Variants in KALRN observed in about 807,000 individuals in gnomAD.
KALRN encodes the protein kalirin RhoGEF kinase.
A neutral mutation model predicts 353.7 loss-of-function variants in KALRN; 70 were observed. The ratio of observed to expected loss-of-function variants is 0.20; its 90% CI spans 0.16 to 0.24. The LOEUF is 0.24. Ranked by LOEUF, KALRN falls within the 10% of genes least tolerant of loss-of-function variation. The probability of loss-of-function intolerance (pLI) is 1.00; values close to 1 mark genes in which losing one functional copy is unlikely to be tolerated. For synonymous variants in KALRN, 1,391 were observed against 1,434.8 expected, an observed-to-expected ratio of 0.97 and a Z score of 0.69; for missense variants, 2,791 against 3,756.7, an observed-to-expected ratio of 0.74 and a Z score of 6.72.
chr3:124,474,037 C>T (rs7642455), intron 25 of KALRN, among the ~76,000 whole-genome samples: 19,044 of 152,070 alleles, frequency 0.13, 1,934 homozygotes, highest in East Asian at 0.5. Context: ...TATTTATTAA[C>T]GTGGAAAGGA....
chr3:124,407,317 TA>T (rs1211775695), intron 13 of KALRN, among the ~76,000 whole-genome samples: 6 of 150,450 alleles, frequency 4.0e-5, no homozygotes, highest in Admixed American at 6.6e-5. Context: ...TGTTTTCTTT[TA>T]TATATATATA....
intron 57 of KALRN, among the ~76,000 whole-genome samples, chr3:124,706,082 T>C (rs760291282): frequency 6.6e-6 from 1 of 152,120 alleles, no homozygotes; most frequent in Non-Finnish European, 1.5e-5. Flanking sequence ...AACTTTTTAA[T>C]TTTTCATAGA....
chr3:124,668,120 C>T (rs1049791647), intron 47 of KALRN, among the ~76,000 whole-genome samples: 1 of 150,116 alleles, frequency 6.7e-6, no homozygotes, highest in Non-Finnish European at 1.5e-5. Context: ...ACCACCTCTT[C>T]CTGCCTGTCC....
In KALRN at chr3:124,671,676, T is replaced by C; in HGVS notation, c.6720T>C (p.Ile2240=). ...ATCCCACAGCACTGCAATCGCCCAT[T>C]GAGTATCAACGGAAAGAAAGGAGCA... ...RDFLNALQSP[I]EYQRKERSTA... is the part of the protein sequence containing the mutation. Residue 2240 remains isoleucine, a synonymous_variant, in exon 48 of 60, where the codon ATT becomes ATC. Transcript: ENST00000682506. The C allele has an allele frequency of 6.2e-7, 1 of 1,613,484 alleles. No homozygotes were observed. The highest frequency in any genetic ancestry group is 8.5e-7 in the Non-Finnish European group (1 of 1,179,492).
chr3:124,319,805 C>A (rs895533160), intron 6 of KALRN, among the ~76,000 whole-genome samples: 2 of 151,886 alleles, frequency 1.3e-5, no homozygotes, highest in South Asian at 4.2e-4. Flanking sequence ...CCAGCCTGGC[C>A]AACATGGCAA....
chr3:124,275,171 G>T (rs942935689), intron 5 of KALRN, among the ~76,000 whole-genome samples: 1 of 152,158 alleles, frequency 6.6e-6, no homozygotes, highest in African/African-American at 2.4e-5. Context: ...GGTGGCCACG[G>T]TCATGGTGGT....
intron 34 of KALRN, among the ~76,000 whole-genome samples, chr3:124,589,768 C>A (rs752075778): frequency 6.6e-6 from 1 of 152,182 alleles, no homozygotes; most frequent in East Asian, 1.9e-4. Flanking sequence ...GTTCCAGGAA[C>A]CCCTGCGGGT....
chr3:124,356,632 C>T (rs1390979061), intron 10 of KALRN, among the ~76,000 whole-genome samples: 2 of 152,180 alleles, frequency 1.3e-5, no homozygotes, highest in African/African-American at 4.8e-5. Flanking sequence ...CCGCACCTGG[C>T]CACTTAACAG....
At chr3:124,245,131 C>T (rs2080969265) in intron 3 of KALRN, among the ~76,000 whole-genome samples, 1 of 152,206 alleles carries the variant, frequency 6.6e-6, no homozygotes, top group African/African-American at 2.4e-5. Flanking sequence ...TAATCACCCT[C>T]TTTGTTCCTT....
chr3:124,144,443 C>T (rs2067025685), intron 1 of KALRN, among the ~76,000 whole-genome samples: 1 of 152,132 alleles, frequency 6.6e-6, no homozygotes, highest in Admixed American at 6.5e-5. Context: ...TAGCATCTCC[C>T]CTTCCAGGTA....
intron 53 of KALRN, 86 bp from the exon 54 acceptor site, chr3:124,696,048 C>A: frequency 6.9e-7 from 1 of 1,449,654 alleles, no homozygotes; most frequent in Non-Finnish European, 9.6e-7. Flanking sequence ...CAGCTCAGCA[C>A]ACCATGGGCC....
chr3:124,079,654 T>C (rs1293844943), intron 1 of KALRN, among the ~76,000 whole-genome samples: 2 of 152,216 alleles, frequency 1.3e-5, no homozygotes, highest in Admixed American at 6.5e-5. Context: ...TATTAAAGAT[T>C]ACATAGTTTT....
chr3:124,581,457 T>C (rs887561837), intron 34 of KALRN, among the ~76,000 whole-genome samples: 2 of 152,018 alleles, frequency 1.3e-5, no homozygotes, highest in Non-Finnish European at 2.9e-5. Flanking sequence ...GTGGACTACT[T>C]TAGGGTCTAC....
intron 3 of KALRN, among the ~76,000 whole-genome samples, chr3:124,253,819 C>G (rs1444595430): frequency 3.3e-5 from 5 of 152,186 alleles, no homozygotes; most frequent in African/African-American, 9.7e-5. Context: ...CACACCCAGG[C>G]CAAAGGAACC....
At chr3:124,383,101 G>T (rs2087658884) in intron 10 of KALRN, among the ~76,000 whole-genome samples, 1 of 152,118 alleles carries the variant, frequency 6.6e-6, no homozygotes, top group Non-Finnish European at 1.5e-5. Context: ...TTTTCAACCC[G>T]GTCTCACCAG....
chr3:124,679,598 G>T, intron 51 of KALRN, 81 bp downstream of exon 51: 2 of 1,159,862 alleles, frequency 1.7e-6, no homozygotes, highest in South Asian at 2.4e-5. Context: ...TTGCTAAAAT[G>T]ACCAGCCATT....
At chr3:124,505,123 C>T (rs1166391179) in intron 33 of KALRN, among the ~76,000 whole-genome samples, 2 of 152,134 alleles carry the variant, frequency 1.3e-5, no homozygotes, top group East Asian at 3.9e-4. Flanking sequence ...ATCACTTACC[C>T]TTTCTTCCTT....
At chr3:124,439,808 TC>T (rs1319989806) in intron 18 of KALRN, among the ~76,000 whole-genome samples, 1 of 152,164 alleles carries the variant, frequency 6.6e-6, no homozygotes, top group Non-Finnish European at 1.5e-5. Context: ...TGAGCCTCCT[TC>T]CCCAGCCTTT....
intron 45 of KALRN, 80 bp from the exon 46 acceptor site, chr3:124,666,369 G>A: frequency 1.5e-6 from 2 of 1,306,232 alleles, no homozygotes; most frequent in Non-Finnish European, 1.1e-6. Flanking sequence ...ATCCCCAGAT[G>A]GGGAGGTTCT....
Sources: gnomAD v4.1 joint callset for allele counts (sites outside exome capture counted in the v4.1 genomes callset) on GRCh38, gnomAD v4.1.1 for gene constraint, MANE v1.5 for transcripts, NCBI Gene and HGNC (gene_info 2026-07-23, HGNC 2026-07-21) for gene names.